Variants in SGSM1 observed in about 807,000 individuals in gnomAD.
SGSM1 encodes RUN and TBC1 domain containing 2.
In SGSM1, 73 loss-of-function variants were observed where a neutral mutation model predicts 133.8. That is an observed-to-expected ratio of 0.55 (90% CI 0.45 to 0.66). The LOEUF (loss-of-function observed/expected upper bound fraction) is 0.66. Ranked by LOEUF, SGSM1 falls within the 30% of genes least tolerant of loss-of-function variation. The pLI, the probability that SGSM1 is intolerant of heterozygous loss-of-function variation, is 0.00. For missense variants in SGSM1, 1,213 were observed against 1,448.1 expected (o/e 0.84, Z 2.64); for synonymous variants, 563 against 573.0 (o/e 0.98, Z 0.25).
intron 18 of SGSM1, among the ~76,000 whole-genome samples, chr22:24,897,048 G>T (rs937445697): frequency 6.6e-6 from 1 of 151,900 alleles, no homozygotes; most frequent in African/African-American, 2.4e-5. Flanking sequence ...AAAAGTTATT[G>T]TCTCCCCTTA....
chr22:24,815,566 C>T (rs968014973), intron 2 of SGSM1, among the ~76,000 whole-genome samples: 4 of 152,118 alleles, frequency 2.6e-5, no homozygotes, highest in Non-Finnish European at 5.9e-5. Flanking sequence ...CATGGTGAAA[C>T]CCTGTCTCTA....
chr22:24,866,674 C>T (rs909841175), intron 9 of SGSM1, among the ~76,000 whole-genome samples: 1 of 152,202 alleles, frequency 6.6e-6, no homozygotes, highest in Non-Finnish European at 1.5e-5. Flanking sequence ...CACTACTCTC[C>T]AGACAGGATG....
chr22:24,882,693 A>G (rs1286385863), intron 14 of SGSM1, among the ~76,000 whole-genome samples: 1 of 151,930 alleles, frequency 6.6e-6, no homozygotes, highest in Non-Finnish European at 1.5e-5. Context: ...TCTGGTAACC[A>G]CTAGTCCACT....
chr22:24,923,783 C>T (rs147623752), intron 24 of SGSM1, among the ~76,000 whole-genome samples: 13 of 152,204 alleles, frequency 8.5e-5, no homozygotes, highest in East Asian at 5.8e-4. Context: ...CCACCACACC[C>T]GACTAGTTTT....
chr22:24,923,571 T>C (rs1934088003), intron 24 of SGSM1, among the ~76,000 whole-genome samples: 1 of 152,182 alleles, frequency 6.6e-6, no homozygotes, highest in Non-Finnish European at 1.5e-5. Flanking sequence ...AGCACTGCTC[T>C]CAGTCATTCT....
chr22:24,849,580 C>T (rs1377168608), intron 4 of SGSM1, among the ~76,000 whole-genome samples: 1 of 152,078 alleles, frequency 6.6e-6, no homozygotes, highest in Non-Finnish European at 1.5e-5. Context: ...AATGAGTTGC[C>T]GATTTCATAT....
At chr22:24,897,286 A>G (rs1932942981) in intron 18 of SGSM1, among the ~76,000 whole-genome samples, 1 of 152,062 alleles carries the variant, frequency 6.6e-6, no homozygotes. Context: ...AGGCTGAGGC[A>G]GGAGAATCAC....
Position 24,886,741 on chromosome 22 carries a change from C to T in SGSM1, c.1770+13C>T. On this transcript the variant is annotated intron_variant, in intron 16 of 24. Transcript: ENST00000400358. ...AGAAAGGAAAGAGGTCGGTTACCTG[C>T]CATGGGCACTGGGATCTTTGGCAAC... The T allele has an allele frequency of 6.3e-7, 1 of 1,577,318 alleles. No homozygotes were observed. The highest frequency in any genetic ancestry group is 8.6e-7 in the Non-Finnish European group (1 of 1,160,604).
rs1245908142 is a variant in SGSM1, at chr22:24,917,697, G to T, written c.2968G>T (p.Gly990Trp). Residue 990 changes from glycine to tryptophan, a missense_variant, in exon 23 of 25, where the codon GGG becomes TGG. By Grantham distance (184) the Gly-to-Trp change is radical. Transcript: ENST00000400358. ...SELFELMHQN[G>W]DYTHFYFCYR... is the part of the protein sequence containing the mutation. The stretch of plus-strand genomic sequence containing the variant: ...GCTGTTTGAGCTGATGCATCAGAAC[G>T]GGGACTATACTCACTTCTACTTCTG... 1.2e-6 allele frequency: 2 copies of T among 1,613,852 alleles called. No individual in the cohort carries two copies. The highest frequency in any genetic ancestry group is 3.3e-5 in the Admixed American group (2 of 59,970).
intron 21 of SGSM1, among the ~76,000 whole-genome samples, chr22:24,905,710 A>G (rs1251294469): frequency 1.3e-5 from 2 of 149,878 alleles, no homozygotes; most frequent in Admixed American, 6.7e-5. Context: ...AATGGCGTGA[A>G]CCCGGGAGGT....
chr22:24,846,594 T>G (rs1480316061), intron 3 of SGSM1, among the ~76,000 whole-genome samples: 1 of 152,220 alleles, frequency 6.6e-6, no homozygotes, highest in Non-Finnish European at 1.5e-5. Flanking sequence ...AGAAATTTGA[T>G]GGCACTAAAT....
In SGSM1 at chr22:24,924,227, G is replaced by A. The variant is rs1208920628; in HGVS notation, c.3235G>A (p.Ala1079Thr). ...CAACACCAAGCAAGTCCTGAAGCTG[G>A]CGCGGGACCTCGTGTACAAGGTGCA... is the stretch of plus-strand genomic sequence containing the variant. ...RHNTKQVLKLARDLVYKVQTL... is the reference protein window; with the variant it reads ...RHNTKQVLKLTRDLVYKVQTL... The change falls in exon 25 of 25, where the codon GCG becomes ACG. Residue 1079 changes from alanine to threonine, a missense_variant. Physicochemically the swap from Ala to Thr is moderately conservative, Grantham distance 58. Transcript: ENST00000400358. The A allele has an allele frequency of 3.1e-6, 5 of 1,613,962 alleles. No individual in the cohort carries two copies. Among genetic ancestry groups the A allele is most frequent in the African/African-American group, 1.3e-5 (1 of 75,052 alleles).
intron 16 of SGSM1, among the ~76,000 whole-genome samples, chr22:24,888,236 C>T (rs918151990): frequency 1.3e-5 from 2 of 152,038 alleles, no homozygotes; most frequent in African/African-American, 4.8e-5. Context: ...ATGAATTGTG[C>T]TTTTGGTGTC....
chr22:24,840,246 G>C (rs1237720380), intron 2 of SGSM1, among the ~76,000 whole-genome samples: 1 of 149,882 alleles, frequency 6.7e-6, no homozygotes, highest in Non-Finnish European at 1.5e-5. Flanking sequence ...GCCCGGCCTG[G>C]GCAAAACATG....
intron 8 of SGSM1, among the ~76,000 whole-genome samples, chr22:24,858,178 C>T (rs191833867): frequency 6.6e-6 from 1 of 152,242 alleles, no homozygotes; most frequent in Admixed American, 6.5e-5. Context: ...TGGGGTCTCG[C>T]TATGTTGCCC....
intron 20 of SGSM1, among the ~76,000 whole-genome samples, chr22:24,903,239 C>T (rs999038502): frequency 2.7e-5 from 4 of 150,736 alleles, no homozygotes; most frequent in Admixed American, 6.6e-5. Context: ...GATGGAGTCT[C>T]GCTCTGTTGC....
intron 17 of SGSM1, 41 bp downstream of exon 17, chr22:24,893,654 A>G: frequency 6.6e-7 from 1 of 1,511,650 alleles, no homozygotes; most frequent in Non-Finnish European, 8.8e-7. Context: ...GGGCTGGGGA[A>G]GGTCAGGGTC....
chr22:24,919,214 ATT>A (rs200163067), intron 23 of SGSM1, among the ~76,000 whole-genome samples: 1 of 149,992 alleles, frequency 6.7e-6, no homozygotes, highest in Non-Finnish European at 1.5e-5. Flanking sequence ...TGCCTGACTA[ATT>A]TTTTTTGTAT....
chr22:24,911,660 T>G (rs1322585092), intron 21 of SGSM1, among the ~76,000 whole-genome samples: 1 of 152,100 alleles, frequency 6.6e-6, no homozygotes, highest in Non-Finnish European at 1.5e-5. Flanking sequence ...GGTTTTCCTC[T>G]CGATAACCCA....
Sources: gnomAD v4.1 joint callset for allele counts (sites outside exome capture counted in the v4.1 genomes callset) on GRCh38, gnomAD v4.1.1 for gene constraint, MANE v1.5 for transcripts, NCBI Gene and HGNC (gene_info 2026-07-23, HGNC 2026-07-21) for gene names.